PLB1: variants seen among roughly 807,000 people sequenced by gnomAD.
The protein encoded by PLB1 is phospholipase B1, membrane-associated.
In PLB1, 242 loss-of-function variants were observed where a neutral mutation model predicts 227.4. The ratio of observed to expected loss-of-function variants is 1.06; its 90% CI spans 0.96 to 1.18. The LOEUF is 1.18. Ranked by LOEUF, PLB1 falls within the 50% of genes most tolerant of loss-of-function variation. The pLI is 0.00. For missense variants in PLB1, 1,858 were observed against 1,816.3 expected (o/e 1.02, Z -0.42); for synonymous variants, 757 against 682.2 (o/e 1.11, Z -1.71).
chr2:28,633,160 A>G (rs1688877099), intron 56 of PLB1, 121 bp downstream of exon 56: 2 of 767,298 alleles, frequency 2.6e-6, no homozygotes, highest in East Asian at 5.2e-5. Flanking sequence ...CCAAAGTGGC[A>G]GCACACCTTA....
At chr2:28,503,044 T>C (rs1200300698) in intron 1 of PLB1, among the ~76,000 whole-genome samples, 2 of 152,204 alleles carry the variant, frequency 1.3e-5, no homozygotes, top group Admixed American at 1.3e-4. Flanking sequence ...ATCCCTTCAA[T>C]ACCTGTAGCT....
At chr2:28,537,658 C>CAAAAAAAAA (rs771254945) in intron 9 of PLB1, among the ~76,000 whole-genome samples, 1 of 56,230 alleles carries the variant, frequency 1.8e-5, no homozygotes, top group African/African-American at 6.4e-5. Flanking sequence ...GACTCCATCT[C>CAAAAAAAAA]AAAAAAAAAA....
At chr2:28,530,423 T>A (rs1288932603) in intron 8 of PLB1, among the ~76,000 whole-genome samples, 1 of 152,182 alleles carries the variant, frequency 6.6e-6, no homozygotes, top group East Asian at 1.9e-4. Context: ...AATGAGGTAT[T>A]GGATGTGCCT....
chr2:28,518,319 A>C, intron 2 of PLB1, 147 bp from the exon 3 acceptor site: 1 of 660,824 alleles, frequency 1.5e-6, no homozygotes, highest in Non-Finnish European at 2.7e-6. Flanking sequence ...GTATGGGGTT[A>C]GGAGAAAATG....
At chr2:28,528,119 G>A (rs1263642671) in intron 6 of PLB1, among the ~76,000 whole-genome samples, 1 of 152,228 alleles carries the variant, frequency 6.6e-6, no homozygotes, top group Admixed American at 6.5e-5. Flanking sequence ...GGCTGCCCAA[G>A]GTTGCAAAGC....
intron 33 of PLB1, chr2:28,595,322 C>T (rs1682727674): frequency 6.6e-6 from 1 of 152,176 alleles, no homozygotes; most frequent in Admixed American, 6.5e-5. Context: ...TAGCTGCCCC[C>T]AAATGCACGT....
intron 56 of PLB1, among the ~76,000 whole-genome samples, chr2:28,635,527 A>C (rs1219749580): frequency 6.6e-6 from 1 of 152,182 alleles, no homozygotes; most frequent in Non-Finnish European, 1.5e-5. Flanking sequence ...CAACCTGATA[A>C]GCACATATAT....
chr2:28,590,082 G>A lies in PLB1; in HGVS notation c.2088+6G>A, dbSNP rs1484308777. ...ATATCACATGTCCGAACCAGGTAGA[G>A]TGGAAAGCACGTCCTTCCAGGCTCC... On this transcript the variant is annotated splice_donor_region_variant and intron_variant, in intron 29 of 57. Transcript: ENST00000327757. 3 of 1,608,398 alleles carry A rather than the reference G, an allele frequency of 1.9e-6. No individual in the cohort carries two copies. Among genetic ancestry groups the A allele is most frequent in the Non-Finnish European group, 2.6e-6 (3 of 1,174,900 alleles).
rs1431736625 is a variant in PLB1 at position 28,593,623 on chromosome 2, C to T, written c.2248-58C>T. The stretch of plus-strand genomic sequence containing the variant: ...CCTCTTTGGAAGCCCTGTGCATTCA[C>T]AGCCTCCCTGTTCTCTGACTTGCTA... On this transcript the variant is annotated intron_variant, in intron 32 of 57. Coordinates refer to ENST00000327757, the MANE Select transcript of PLB1 (RefSeq NM_153021.5). 1.0e-5 allele frequency: 15 copies of T among 1,477,324 alleles called. No individual in the cohort carries two copies. The East Asian group carries it at 3.2e-4, about 31-fold the overall frequency. The allele number at this position is 1,477,324 out of a possible 1,614,324, so 91.5% of individuals were successfully genotyped here. A position where few individuals can be genotyped will look rare whatever the true frequency, so the allele number is the denominator to read the frequency against.
At chr2:28,619,326 T>C (rs1686658268) in intron 46 of PLB1, among the ~76,000 whole-genome samples, 1 of 152,114 alleles carries the variant, frequency 6.6e-6, no homozygotes, top group Admixed American at 6.6e-5. Context: ...CATTTTGGCA[T>C]GAACATGGAA....
In PLB1 at chr2:28,496,088, G is replaced by A. The variant is rs370775045; in HGVS notation, c.-27G>A. The stretch of plus-strand genomic sequence containing the variant: ...CATCTGCTGGAGCAGCTCTTCCAGA[G>A]GCCCGAGTCACCTGGAGCATTCTGG... On this transcript the variant is annotated 5_prime_UTR_variant, in exon 1 of 58. Coordinates refer to ENST00000327757, the MANE Select transcript of PLB1 (RefSeq NM_153021.5). 1.3e-4 allele frequency: 204 copies of A among 1,611,782 alleles called. No homozygotes were observed. Among genetic ancestry groups the A allele is most frequent in the Non-Finnish European group, 1.7e-4 (201 of 1,178,160 alleles).
At chr2:28,594,279 G>A (rs541438276) in intron 33 of PLB1, 3 of 267,466 alleles carry the variant, frequency 1.1e-5, no homozygotes, top group South Asian at 3.6e-5. Flanking sequence ...AATTCGACAA[G>A]AGGAAAGGGT....
chr2:28,589,079 C>T (rs1451366803), intron 26 of PLB1, among the ~76,000 whole-genome samples: 2 of 151,932 alleles, frequency 1.3e-5, no homozygotes, highest in Non-Finnish European at 1.5e-5. Context: ...GCAGGGGAAT[C>T]GCTTGAACCC....
At chr2:28,624,997 A>G in intron 49 of PLB1, 60 bp from the exon 50 acceptor site, 1 of 1,510,828 alleles carries the variant, frequency 6.6e-7, no homozygotes, top group Non-Finnish European at 9.2e-7. Flanking sequence ...CCAAAATCCC[A>G]TGTCGTGAGT....
intron 14 of PLB1, 108 bp from the exon 15 acceptor site, chr2:28,548,752 T>C: frequency 9.7e-7 from 1 of 1,035,228 alleles, no homozygotes; most frequent in South Asian, 1.4e-5. Context: ...GCATTTCTAA[T>C]GCGTTCCCTG....
intron 41 of PLB1, among the ~76,000 whole-genome samples, chr2:28,605,130 C>T (rs58240859): frequency 0.045 from 6,825 of 152,290 alleles, 501 homozygotes; most frequent in African/African-American, 0.15. Flanking sequence ...ATGAACACAG[C>T]CAGCTCCAGA....
chr2:28,567,831 A>G (rs1165491626), intron 20 of PLB1, among the ~76,000 whole-genome samples: 1 of 152,160 alleles, frequency 6.6e-6, no homozygotes, highest in Non-Finnish European at 1.5e-5. Context: ...GTGCGTACAC[A>G]TCTCCCTGCT....
chr2:28,597,196 G>A (rs1484609774), intron 33 of PLB1, among the ~76,000 whole-genome samples: 9 of 150,756 alleles, frequency 6.0e-5, no homozygotes, highest in Middle Eastern at 3.5e-3. Context: ...CCCGGGAGGC[G>A]GAGCTTGCAT....
intron 41 of PLB1, among the ~76,000 whole-genome samples, 168 bp downstream of exon 41, chr2:28,604,927 G>A (rs1223614309): frequency 1.3e-5 from 2 of 152,202 alleles, no homozygotes; most frequent in Non-Finnish European, 2.9e-5. Flanking sequence ...CCGTATGTGC[G>A]AGGCTCCCAT....
Sources: allele counts gnomAD v4.1 joint callset (sites outside exome capture counted in the v4.1 genomes callset), GRCh38; gene constraint gnomAD v4.1.1; transcripts MANE v1.5; gene names NCBI Gene and HGNC (gene_info 2026-07-23, HGNC 2026-07-21).